Variants in ANXA1 observed in about 807,000 individuals in gnomAD.
The protein encoded by ANXA1 is annexin I (lipocortin I).
Under a neutral mutation model 47.9 loss-of-function variants are expected in ANXA1, and 39 were observed. That is an observed-to-expected ratio of 0.81 (90% CI 0.63 to 1.06). ANXA1 has a LOEUF of 1.06. Among genes scored for constraint, ANXA1 ranks in the 50% least tolerant of loss-of-function variants. ANXA1 has a pLI of 0.00. For missense variants in ANXA1, 446 were observed against 422.7 expected (o/e 1.06, Z -0.48); for synonymous variants, 146 against 142.5 (o/e 1.02, Z -0.17).
At chr9:73,153,108 C>G (rs1353709866) in intron 1 of ANXA1, among the ~76,000 whole-genome samples, 2 of 152,154 alleles carry the variant, frequency 1.3e-5, no homozygotes, top group Admixed American at 1.3e-4. Flanking sequence ...CCAAAAGTGA[C>G]AGTAACACCC....
chr9:73,158,595 A>C lies in ANXA1; in HGVS notation c.60A>C (p.Glu20Asp). The stretch of plus-strand genomic sequence containing the variant: ...GGTTTATTGAAAATGAAGAGCAGGA[A>C]TATGTTGTAAGTAGAGTGATAATAA... The part of the protein sequence containing the change: ...QAWFIENEEQ[E>D]YVQTVKSSKG... Residue 20 changes from glutamate to aspartate, a missense_variant, in exon 2 of 13, where the codon GAA (glutamate) becomes GAC (aspartate). Glu to Asp is a conservative substitution (Grantham distance 45). Transcript: ENST00000257497. 6.2e-7 allele frequency: 1 copy of C among 1,613,546 alleles called. No homozygotes were observed. The highest frequency in any genetic ancestry group is 8.5e-7 in the Non-Finnish European group (1 of 1,179,590).
At chr9:73,159,276 C>T in intron 3 of ANXA1, 53 bp from the exon 4 acceptor site, 3 of 1,355,948 alleles carry the variant, frequency 2.2e-6, no homozygotes, top group South Asian at 2.4e-5. Context: ...TATTTTATGT[C>T]AATTGATGAT....
intron 1 of ANXA1, 139 bp from the exon 2 acceptor site, chr9:73,158,383 C>T (rs920958237): frequency 4.7e-6 from 3 of 634,072 alleles, no homozygotes; most frequent in African/African-American, 3.7e-5. Flanking sequence ...TTTTGTTATG[C>T]TCCTAAGTGT....
intron 9 of ANXA1, chr9:73,165,422 T>G (rs113966758): frequency 2.5e-6 from 1 of 402,472 alleles, no homozygotes. Context: ...GACTTGGGCA[T>G]GTGGAACATA....
chr9:73,163,542 T>C lies in ANXA1; in HGVS notation c.612+10T>C. The C allele has an allele frequency of 6.2e-7, 1 of 1,612,364 alleles. No homozygotes were observed. The highest frequency in any genetic ancestry group is 1.1e-5 in the South Asian group (1 of 91,044). On this transcript the variant is annotated intron_variant, in intron 8 of 12. Transcript: ENST00000257497. ...TGATTCAGATGCCAGGGTAAGGAAGTGCTTACAAAATACTGCTGCAGTTCA... is the reference window on the plus strand; with the variant it reads ...TGATTCAGATGCCAGGGTAAGGAAGCGCTTACAAAATACTGCTGCAGTTCA...
chr9:73,163,526 T>C lies in ANXA1; in HGVS notation c.606T>C (p.Asp202=). ...FGVNEDLADS[D]ARALYEAGER... ...TGAATGAAGACTTGGCTGATTCAGATGCCAGGGTAAGGAAGTGCTTACAAA... is the reference window on the plus strand; with the variant it reads ...TGAATGAAGACTTGGCTGATTCAGACGCCAGGGTAAGGAAGTGCTTACAAA... The change falls in exon 8 of 13, where the codon GAT becomes GAC. Residue 202 remains aspartate (D), a synonymous_variant. Transcript: ENST00000257497. 2 of 1,612,840 alleles carry C rather than the reference T, an allele frequency of 1.2e-6. No individual in the cohort carries two copies. Among genetic ancestry groups the C allele is most frequent in the Non-Finnish European group, 1.7e-6 (2 of 1,179,110 alleles).
At chr9:73,165,065 A>G in intron 8 of ANXA1, 51 bp from the exon 9 acceptor site, 1 of 1,400,578 alleles carries the variant, frequency 7.1e-7, no homozygotes, top group Non-Finnish European at 1.0e-6. Flanking sequence ...ATTATTGTGC[A>G]GATATCATTT....
At chr9:73,155,230 T>G (rs1325554630) in intron 1 of ANXA1, among the ~76,000 whole-genome samples, 1 of 152,264 alleles carries the variant, frequency 6.6e-6, no homozygotes. Context: ...TCACCGTCAA[T>G]GAGCTCATGC....
At chr9:73,160,928 T>C in intron 6 of ANXA1, 35 bp downstream of exon 6, 2 of 1,388,838 alleles carry the variant, frequency 1.4e-6, no homozygotes, top group East Asian at 2.3e-5. Context: ...AAACGCCTTA[T>C]TTGAAAAGGA....
chr9:73,157,650 T>A (rs1286373373), intron 1 of ANXA1: 2 of 107,796 alleles, frequency 1.9e-5, no homozygotes, highest in Admixed American at 1.0e-4. Context: ...AAAGACTCCA[T>A]CTCAAAAAAA....
At position 73,162,824 on chromosome 9, in the gene ANXA1, C is replaced by T. The variant is rs544683457; in HGVS notation, c.518C>T (p.Ser173Phe). 17 of 1,613,188 alleles carry T rather than the reference C, an allele frequency of 1.1e-5. No homozygotes were observed. Among genetic ancestry groups the T allele is most frequent in the Non-Finnish European group, 1.3e-5 (15 of 1,179,500 alleles). Reference protein sequence around the residue: ...DLAKDITSDTSGDFRNALLSL... With the variant: ...DLAKDITSDTFGDFRNALLSL... ...GCCAAAGACATAACCTCAGACACAT[C>T]TGGAGATTTTCGGAACGCTTTGCTT... Residue 173 changes from serine (S) to phenylalanine (F), a missense_variant, in exon 7 of 13, where the codon TCT becomes TTT. Coordinates refer to ENST00000257497, the MANE Select transcript of ANXA1 (RefSeq NM_000700.3).
rs1824205101 is a variant in ANXA1, at chr9:73,165,127, A to C, written c.624A>C (p.Glu208Asp). 1.2e-6 allele frequency: 2 copies of C among 1,612,506 alleles called. No homozygotes were observed. The highest frequency in any genetic ancestry group is 2.2e-5 in the South Asian group (2 of 91,042). Residue 208 changes from glutamate (E) to aspartate (D), a missense_variant, in exon 9 of 13, where the codon GAA (glutamate) becomes GAC (aspartate). Glu to Asp is a conservative substitution (Grantham distance 45). Transcript: ENST00000257497. ...GTGTTTCTTGACAGGCCTTGTATGA[A>C]GCAGGAGAAAGGAGAAAGGGGACAG... ...LADSDARALY[E>D]AGERRKGTDV...
chr9:73,169,198 C>G (rs1291045567), intron 12 of ANXA1, 44 bp downstream of exon 12: 4 of 1,549,566 alleles, frequency 2.6e-6, no homozygotes, highest in Non-Finnish European at 2.6e-6. Context: ...AATGAAAGTT[C>G]TTTTTGCAAG....
chr9:73,164,602 T>C (rs1055109232), intron 8 of ANXA1, among the ~76,000 whole-genome samples: 1 of 152,110 alleles, frequency 6.6e-6, no homozygotes, highest in South Asian at 2.1e-4. Flanking sequence ...GCAGGGATTA[T>C]ATTTTTCATA....
Position 73,161,264 on chromosome 9 carries a change from A to AT in ANXA1, c.475+379dup, listed in dbSNP as rs3837299. On this transcript the variant is annotated intron_variant, in intron 6 of 12. Transcript: ENST00000257497. ...TATTTTATAAAAATGTCCCAAGGTC[A>AT]TTTTTTTTGAAAAGAATATATAATA... is the stretch of plus-strand genomic sequence containing the variant. Among the ~76,000 whole-genome samples, 82 of 152,056 alleles carry AT rather than the reference A, an allele frequency of 5.4e-4. 1 individual carries two copies. The highest frequency in any genetic ancestry group is 3.4e-3 in the Middle Eastern group (1 of 294).
In ANXA1 at chr9:73,162,860, A is replaced by C. The variant is rs1472614275; in HGVS notation, c.554A>C (p.Lys185Thr). Residue 185 changes from lysine (K) to threonine (T), a missense_variant and splice_region_variant, in exon 7 of 13, where the codon AAG becomes ACG. Physicochemically the swap from Lys to Thr is moderately conservative, Grantham distance 78 (BLOSUM62 -1). Transcript: ENST00000257497. Reference sequence around the variant, plus strand: ...CGGAACGCTTTGCTTTCTCTTGCTAAGGTACAACTCAGATACTTTAGGAAA... The same window carrying C: ...CGGAACGCTTTGCTTTCTCTTGCTACGGTACAACTCAGATACTTTAGGAAA... ...DFRNALLSLAKGDRSEDFGVN... is the reference protein window; with the variant it reads ...DFRNALLSLATGDRSEDFGVN... 2 of 1,610,636 alleles carry C rather than the reference A, an allele frequency of 1.2e-6. No individual in the cohort carries two copies. Among genetic ancestry groups the C allele is most frequent in the South Asian group, 1.1e-5 (1 of 90,904 alleles).
chr9:73,162,847 C>T lies in ANXA1; in HGVS notation c.541C>T (p.Leu181Phe). 1 of 1,612,416 alleles carries T rather than the reference C, an allele frequency of 6.2e-7. No homozygotes were observed. Among genetic ancestry groups the T allele is most frequent in the Non-Finnish European group, 8.5e-7 (1 of 1,178,900 alleles). ...DTSGDFRNAL[L>F]SLAKGDRSED... ...ATCTGGAGATTTTCGGAACGCTTTG[C>T]TTTCTCTTGCTAAGGTACAACTCAG... The change falls in exon 7 of 13, where the codon CTT (leucine) becomes TTT (phenylalanine). Residue 181 changes from leucine to phenylalanine, a missense_variant. Leu to Phe is a conservative substitution (Grantham distance 22). Transcript: ENST00000257497.
In ANXA1 at chr9:73,163,601, C is replaced by A; in HGVS notation, c.612+69C>A. 3.9e-6 allele frequency: 6 copies of A among 1,519,852 alleles called. No individual in the cohort carries two copies. In the South Asian group the frequency reaches 6.8e-5, roughly 17 times the overall value. The allele number at this position is 1,519,852 out of a possible 1,614,324, so 94.1% of individuals were successfully genotyped here. A position where few individuals can be genotyped will look rare whatever the true frequency, so the allele number is the denominator to read the frequency against. On this transcript the variant is annotated intron_variant, in intron 8 of 12. Coordinates refer to ENST00000257497, the MANE Select transcript of ANXA1 (RefSeq NM_000700.3). ...CCTTAAGTGGGGCTACCACATGATC[C>A]CCTGTGAAAGCAAATCTAAGATCTT...
rs79581073 is a variant in ANXA1, at chr9:73,167,822, G to A, written c.861+267G>A. On this transcript the variant is annotated intron_variant, in intron 11 of 12. Coordinates refer to ENST00000257497, the MANE Select transcript of ANXA1 (RefSeq NM_000700.3). Reference sequence around the variant, plus strand: ...ATTTGCTTAAAACATGTGTCACCACGGGAAGGGTGATGTACTTTCTTTTTT... The same window carrying A: ...ATTTGCTTAAAACATGTGTCACCACAGGAAGGGTGATGTACTTTCTTTTTT... 2,311 of 367,378 alleles carry A rather than the reference G, an allele frequency of 6.3e-3. 40 individuals are homozygous for A. The highest frequency in any genetic ancestry group is 0.04 in the African/African-American group (1,935 of 48,028). 22.8% of individuals were successfully genotyped at this position (367,378 alleles called of 1,614,324 possible).
Sources: gnomAD v4.1 joint callset for allele counts (sites outside exome capture counted in the v4.1 genomes callset) on GRCh38, gnomAD v4.1.1 for gene constraint, MANE v1.5 for transcripts, NCBI Gene and HGNC (gene_info 2026-07-23, HGNC 2026-07-21) for gene names.